The following PTPN3 variants were observed in gnomAD, a reference collection of about 807,000 sequenced individuals.
The protein encoded by PTPN3 is tyrosine-protein phosphatase non-receptor type 3.
A neutral mutation model predicts 132.7 loss-of-function variants in PTPN3; 96 were observed. The ratio of observed to expected loss-of-function variants is 0.72; its 90% CI spans 0.61 to 0.86. The LOEUF (loss-of-function observed/expected upper bound fraction) is 0.86. Ranked by LOEUF, PTPN3 falls within the 40% of genes least tolerant of loss-of-function variation. The pLI is 0.00. For missense variants in PTPN3, 1,125 were observed against 1,159.6 expected, an observed-to-expected ratio of 0.97 and a Z score of 0.43; for synonymous variants, 398 against 429.0, an observed-to-expected ratio of 0.93 and a Z score of 0.89.
chr9:109,430,177 C>T (rs868637706), intron 10 of PTPN3, among the ~76,000 whole-genome samples: 53 of 152,244 alleles, frequency 3.5e-4, no homozygotes, highest in African/African-American at 1.3e-3. Context: ...TCCCTGAAGT[C>T]GGGGGAGTCT....
chr9:109,523,533 A>C, the PTPN3 span, among the ~76,000 whole-genome samples: 3 of 73,494 alleles, frequency 4.1e-5, no homozygotes, highest in Non-Finnish European at 8.0e-5. Flanking sequence ...CCCTCCAGGC[A>C]TATTTCCCAA....
chr9:109,522,304 G>A, the PTPN3 span, among the ~76,000 whole-genome samples: 2 of 152,274 alleles, frequency 1.3e-5, no homozygotes, highest in South Asian at 4.1e-4. Context: ...TAGACCAAAG[G>A]CCAAAAGTGT....
intron 1 of PTPN3, among the ~76,000 whole-genome samples, chr9:109,474,779 A>G (rs1410772555): frequency 6.6e-6 from 1 of 152,140 alleles, no homozygotes; most frequent in Admixed American, 6.5e-5. Flanking sequence ...ATTAGGATAC[A>G]ATGTAAGGCT....
the PTPN3 span, among the ~76,000 whole-genome samples, chr9:109,534,834 A>ACAAG: frequency 4.0e-4 from 59 of 148,436 alleles, no homozygotes; most frequent in African/African-American, 1.3e-3. Context: ...AAACAAACAA[A>ACAAG]CAAAGTTAGT....
intron 17 of PTPN3, among the ~76,000 whole-genome samples, chr9:109,406,884 G>A (rs552939432): frequency 5.9e-5 from 9 of 152,290 alleles, no homozygotes; most frequent in Non-Finnish European, 1.2e-4. Context: ...CCATTTCTCC[G>A]TGGTAGTCAA....
chr9:109,511,562 C>T, the PTPN3 span: 1 of 153,826 alleles, frequency 6.5e-6, no homozygotes, highest in African/African-American at 2.4e-5. Flanking sequence ...GGTTGGCCCT[C>T]TTGGAAACCT....
intron 1 of PTPN3, among the ~76,000 whole-genome samples, chr9:109,473,772 T>C (rs1846496695): frequency 6.6e-6 from 1 of 152,132 alleles, no homozygotes; most frequent in Non-Finnish European, 1.5e-5. Context: ...GTACAAATGC[T>C]AAATATAGTG....
chr9:109,485,526 TAAATAA>T (rs1847169020), intron 1 of PTPN3, among the ~76,000 whole-genome samples: 1 of 151,766 alleles, frequency 6.6e-6, no homozygotes, highest in Non-Finnish European at 1.5e-5. Context: ...AATAAATAAA[TAAATAA>T]AAATAAAAAG....
intron 1 of PTPN3, among the ~76,000 whole-genome samples, chr9:109,473,170 C>T (rs950263042): frequency 2.2e-4 from 34 of 152,254 alleles, no homozygotes; most frequent in South Asian, 2.1e-3. Flanking sequence ...CACAATACTC[C>T]GTCGAATCAT....
intron 9 of PTPN3, among the ~76,000 whole-genome samples, chr9:109,436,598 G>A (rs1844068268): frequency 6.6e-6 from 1 of 151,652 alleles, no homozygotes; most frequent in Non-Finnish European, 1.5e-5. Context: ...CCTATTTTTT[G>A]CCTTTTAAAA....
At chr9:109,391,419 G>T in intron 20 of PTPN3, 52 bp downstream of exon 20, 1 of 1,531,974 alleles carries the variant, frequency 6.5e-7, no homozygotes, top group Non-Finnish European at 9.0e-7. Flanking sequence ...TTTAAAAAGG[G>T]AAACATTATC....
chr9:109,470,948 A>C (rs1432727351), intron 1 of PTPN3, among the ~76,000 whole-genome samples: 1 of 152,220 alleles, frequency 6.6e-6, no homozygotes, highest in Non-Finnish European at 1.5e-5. Flanking sequence ...AGGAAACTGC[A>C]TTGTAAAACA....
At chr9:109,422,879 T>G in intron 12 of PTPN3, 27 bp from the exon 13 acceptor site, 1 of 1,607,038 alleles carries the variant, frequency 6.2e-7, no homozygotes, top group Non-Finnish European at 8.5e-7. Flanking sequence ...AGGTTCACTT[T>G]CTACACTGAC....
chr9:109,429,197 C>T (rs944334316), intron 10 of PTPN3, among the ~76,000 whole-genome samples: 9 of 152,214 alleles, frequency 5.9e-5, no homozygotes, highest in African/African-American at 1.7e-4. Context: ...ATCCCCTCAA[C>T]GAAGCCCTGC....
intron 1 of PTPN3, among the ~76,000 whole-genome samples, chr9:109,466,865 C>T (rs992966027): frequency 3.9e-5 from 6 of 152,174 alleles, no homozygotes; most frequent in East Asian, 1.9e-4. Flanking sequence ...CAGGGGGCAC[C>T]GGTTAGGTGT....
In PTPN3 at chr9:109,416,851, AG is replaced by A. The variant is rs1842543383; in HGVS notation, c.1313+3572del. 1.3e-5 allele frequency among the ~76,000 whole-genome samples: 2 copies of A among 152,222 alleles called. 1 individual carries two copies. The highest frequency in any genetic ancestry group is 3.8e-4 in the East Asian group (2 of 5,198). ...CAGCGAAGAAGTTATGCAGGCATGAAGCCCCATCCACTCGGAGGGTGTCATG... is the reference window on the plus strand; with the variant it reads ...CAGCGAAGAAGTTATGCAGGCATGAACCCCATCCACTCGGAGGGTGTCATG... On this transcript the variant is annotated intron_variant, in intron 14 of 25. Transcript: ENST00000374541.
rs533080579 is a variant in PTPN3, at chr9:109,475,745, AAAG to A, written c.-17-12297_-17-12295del. On this transcript the variant is annotated intron_variant, in intron 1 of 25. Transcript: ENST00000374541. Reference sequence around the variant, plus strand: ...GCCAAAAGCAGCAGAAGCCTTCAGAAAAGAAAACAGCTAAAGTCACTTTGAAAG... The same window carrying A: ...GCCAAAAGCAGCAGAAGCCTTCAGAAAAAACAGCTAAAGTCACTTTGAAAG... 1.5e-4 allele frequency among the ~76,000 whole-genome samples: 23 copies of A among 152,326 alleles called. No individual in the cohort carries two copies. The South Asian group carries it at 4.8e-3, about 32-fold the overall frequency.
rs55963327 is a variant in PTPN3, at chr9:109,380,214, A to AATCTATCTATCTATCT, written c.2665-597_2665-582dup. On this transcript the variant is annotated intron_variant, in intron 25 of 25. Transcript: ENST00000374541. ...TAGACTGAGCTTCTCCAGCTAGGAA[A>AATCTATCTATCTATCT]ATCTATCTATCTATCTATCTATCTA... 4.2e-3 allele frequency among the ~76,000 whole-genome samples: 607 copies of AATCTATCTATCTATCT among 145,898 alleles called. 3 individuals are homozygous for AATCTATCTATCTATCT. The highest frequency in any genetic ancestry group is 6.1e-3 in the East Asian group (30 of 4,894).
intron 9 of PTPN3, 115 bp downstream of exon 9, chr9:109,436,768 T>C: frequency 7.1e-7 from 1 of 1,408,986 alleles, no homozygotes; most frequent in Non-Finnish European, 9.3e-7. Context: ...CCAAATATCT[T>C]TTAAAAAGTC....
Sources: gnomAD v4.1 joint callset for allele counts (sites outside exome capture counted in the v4.1 genomes callset) on GRCh38, gnomAD v4.1.1 for gene constraint, MANE v1.5 for transcripts, NCBI Gene and HGNC (gene_info 2026-07-23, HGNC 2026-07-21) for gene names.